TAB2: variants seen among roughly 807,000 people sequenced by gnomAD.
The protein encoded by TAB2 is TGF-beta activated kinase 1 (MAP3K7) binding protein 2, also known as TGF-beta-activated kinase 1 and MAP3K7-binding protein 2.
Under a neutral mutation model 65.0 loss-of-function variants are expected in TAB2, and 3 were observed. That is an observed-to-expected ratio of 0.05 (90% CI 0.02 to 0.12). The LOEUF (loss-of-function observed/expected upper bound fraction) is 0.12. Among genes scored for constraint, TAB2 ranks in the 10% least tolerant of loss-of-function variants. The probability of loss-of-function intolerance (pLI) is 1.00; values close to 1 mark genes in which losing one functional copy is unlikely to be tolerated. For missense variants in TAB2, 623 were observed against 840.3 expected, an observed-to-expected ratio of 0.74 and a Z score of 3.20; for synonymous variants, 298 against 285.1, an observed-to-expected ratio of 1.05 and a Z score of -0.46.
intron 2 of TAB2, among the ~76,000 whole-genome samples, chr6:149,371,848 A>C (rs1172514581): frequency 1.3e-5 from 2 of 152,220 alleles, no homozygotes; most frequent in Non-Finnish European, 2.9e-5. Context: ...GAGAATAAAA[A>C]CATGTAATAA....
intron 1 of TAB2, among the ~76,000 whole-genome samples, chr6:149,364,488 A>G (rs2114842429): frequency 6.6e-6 from 1 of 152,176 alleles, no homozygotes; most frequent in East Asian, 1.9e-4. Flanking sequence ...ACGCAGACAG[A>G]AGATAAAATA....
chr6:149,337,414 A>T (rs1281151771), intron 1 of TAB2, among the ~76,000 whole-genome samples: 3 of 152,148 alleles, frequency 2.0e-5, no homozygotes, highest in Non-Finnish European at 4.4e-5. Flanking sequence ...ATGACCCCCG[A>T]TCTAGTGGAA....
Position 149,362,733 on chromosome 6 carries a change from A to G in TAB2, c.-89-7176A>G, listed in dbSNP as rs143925161. On this transcript the variant is annotated intron_variant, in intron 1 of 6. Transcript: ENST00000637181. Reference sequence around the variant, plus strand: ...GTGTACTGGGGAGGGGAAACTAGTCAAGAGCAGTTAACTTCAATCTTTGAC... The same window carrying G: ...GTGTACTGGGGAGGGGAAACTAGTCGAGAGCAGTTAACTTCAATCTTTGAC... Among the ~76,000 whole-genome samples, 21 of 152,356 alleles carry G rather than the reference A, an allele frequency of 1.4e-4. 1 individual carries two copies. The East Asian group carries it at 4.0e-3, about 29-fold the overall frequency.
intron 6 of TAB2, among the ~76,000 whole-genome samples, chr6:149,403,576 G>A (rs1205719125): frequency 6.6e-6 from 1 of 151,482 alleles, no homozygotes; most frequent in South Asian, 2.1e-4. Flanking sequence ...AATACCTGAG[G>A]CTTGGTAATT....
intron 3 of TAB2, among the ~76,000 whole-genome samples, chr6:149,392,476 G>A (rs924575388): frequency 2.6e-5 from 4 of 152,132 alleles, no homozygotes; most frequent in African/African-American, 4.8e-5. Flanking sequence ...TTGACTGTTC[G>A]ATATACAGAT....
intron 1 of TAB2, among the ~76,000 whole-genome samples, chr6:149,357,430 A>AAAAACACAC: frequency 1.7e-4 from 19 of 111,182 alleles, no homozygotes; most frequent in East Asian, 6.3e-4. Context: ...AGAAAAAAAA[A>AAAAACACAC]ACACACACAC....
At chr6:149,407,540 AAGAT>A (rs949739582) in intron 6 of TAB2, among the ~76,000 whole-genome samples, 3 of 152,186 alleles carry the variant, frequency 2.0e-5, no homozygotes, top group Non-Finnish European at 2.9e-5. Context: ...TTTTACATGA[AAGAT>A]AGAAGTTTGT....
intron 3 of TAB2, among the ~76,000 whole-genome samples, chr6:149,394,743 A>G (rs1782111786): frequency 6.6e-6 from 1 of 152,178 alleles, no homozygotes; most frequent in Non-Finnish European, 1.5e-5. Context: ...AGTGCAAGAT[A>G]TTTATTTTGA....
intron 1 of TAB2, among the ~76,000 whole-genome samples, chr6:149,259,674 G>A (rs552456992): frequency 6.6e-6 from 1 of 152,210 alleles, no homozygotes; most frequent in Admixed American, 6.5e-5. Context: ...TCATAAAAGA[G>A]TGGGGAGAGC....
At chr6:149,290,671 C>A (rs935719136) in intron 1 of TAB2, among the ~76,000 whole-genome samples, 2 of 152,060 alleles carry the variant, frequency 1.3e-5, no homozygotes, top group Admixed American at 6.6e-5. Context: ...TGGCAAGATC[C>A]CGTCTCTACT....
At chr6:149,272,386 C>G (rs1020107309) in intron 1 of TAB2, among the ~76,000 whole-genome samples, 8 of 152,214 alleles carry the variant, frequency 5.3e-5, no homozygotes, top group African/African-American at 1.9e-4. Flanking sequence ...AGATTAAAAT[C>G]AAGGTGGTGA....
At chr6:149,385,606 C>T (rs1413262864) in intron 3 of TAB2, among the ~76,000 whole-genome samples, 2 of 152,124 alleles carry the variant, frequency 1.3e-5, no homozygotes, top group African/African-American at 4.8e-5. Flanking sequence ...AGTCTTAAGA[C>T]TAAATACCTT....
intron 1 of TAB2, among the ~76,000 whole-genome samples, chr6:149,288,793 G>A (rs1778721708): frequency 6.6e-6 from 1 of 151,472 alleles, no homozygotes; most frequent in African/African-American, 2.4e-5. Context: ...AAGGCAATGG[G>A]TTCCCTGCTT....
At chr6:149,364,925 CT>C (rs1320342852) in intron 1 of TAB2, among the ~76,000 whole-genome samples, 2 of 151,774 alleles carry the variant, frequency 1.3e-5, no homozygotes, top group African/African-American at 4.8e-5. Context: ...GTACTCTTCA[CT>C]GTAATAGTTA....
intron 1 of TAB2, among the ~76,000 whole-genome samples, chr6:149,343,506 A>G (rs1780196938): frequency 6.6e-6 from 1 of 152,142 alleles, no homozygotes; most frequent in Non-Finnish European, 1.5e-5. Flanking sequence ...ATTCTTCAGT[A>G]ATTGGAAATT....
intron 1 of TAB2, among the ~76,000 whole-genome samples, chr6:149,352,515 G>A (rs1780524325): frequency 1.3e-5 from 2 of 152,046 alleles, no homozygotes; most frequent in African/African-American, 4.8e-5. Flanking sequence ...CTTTCACCCA[G>A]TTTTTTAAAC....
At chr6:149,316,698 C>G (rs1779260612), upstream of TAB2, among the ~76,000 whole-genome samples, 1 of 152,130 alleles carries the variant, frequency 6.6e-6, no homozygotes, top group African/African-American at 2.4e-5. Context: ...GGCCCCCCCT[C>G]TTCCCGCAAA....
At chr6:149,298,643 C>T (rs1407745663) in intron 1 of TAB2, among the ~76,000 whole-genome samples, 1 of 152,122 alleles carries the variant, frequency 6.6e-6, no homozygotes, top group East Asian at 1.9e-4. Flanking sequence ...TTTACTACAC[C>T]TGTAACCTAA....
intron 1 of TAB2, among the ~76,000 whole-genome samples, chr6:149,352,039 TTTTC>T (rs1159704374): frequency 2.0e-5 from 3 of 152,198 alleles, no homozygotes; most frequent in Non-Finnish European, 4.4e-5. Flanking sequence ...CATTGGTTCC[TTTTC>T]TTTCTTAAGA....
Sources: allele counts gnomAD v4.1 joint callset (sites outside exome capture counted in the v4.1 genomes callset), GRCh38; gene constraint gnomAD v4.1.1; transcripts MANE v1.5; gene names NCBI Gene and HGNC (gene_info 2026-07-23, HGNC 2026-07-21).